GPR55: variants seen among roughly 807,000 people sequenced by gnomAD.
GPR55 encodes G-protein coupled receptor 55.
A neutral mutation model predicts 7.9 loss-of-function variants in GPR55; 6 were observed. The observed-to-expected ratio is 0.76, with a 90% CI of 0.41 to 1.49. GPR55 has a LOEUF of 1.49. Among genes scored for constraint, GPR55 ranks in the 40% most tolerant of loss-of-function variants. The pLI is 0.01. For synonymous variants in GPR55, 183 were observed against 166.8 expected, an observed-to-expected ratio of 1.10 and a Z score of -0.75; for missense variants, 376 against 406.0, an observed-to-expected ratio of 0.93 and a Z score of 0.63.
intron 1 of GPR55, among the ~76,000 whole-genome samples, chr2:230,931,754 A>G (rs1329597509): frequency 6.6e-6 from 1 of 152,014 alleles, no homozygotes; most frequent in East Asian, 1.9e-4. Flanking sequence ...CCATGAGAGC[A>G]TGCGGGGCCC....
chr2:230,913,127 G>A (rs1004631815), intron 1 of GPR55, among the ~76,000 whole-genome samples: 5 of 152,122 alleles, frequency 3.3e-5, no homozygotes, highest in African/African-American at 4.8e-5. Context: ...CATTGTGTAG[G>A]TATACCAAAA....
intron 1 of GPR55, among the ~76,000 whole-genome samples, chr2:230,916,583 G>A (rs1209787394): frequency 6.6e-6 from 1 of 152,072 alleles, no homozygotes; most frequent in Non-Finnish European, 1.5e-5. Context: ...TTAATATTGC[G>A]GATAAATTAA....
Position 230,954,129 on chromosome 2 carries a change from G to T in GPR55, c.-135+6646C>A, listed in dbSNP as rs114334642. Among the ~76,000 whole-genome samples, 26 of 152,368 alleles carry T rather than the reference G, an allele frequency of 1.7e-4. No individual in the cohort carries two copies. The South Asian group carries it at 5.2e-3, about 30-fold the overall frequency. ...TCTGAGCAAGTTCCGAGATGCAAAG[G>T]TTTCACAGCCCTGGCTATGCAGCCC... On this transcript the variant is annotated intron_variant, in intron 1 of 1. Transcript: ENST00000392039.
At chr2:230,959,554 G>A (rs528503055) in intron 1 of GPR55, among the ~76,000 whole-genome samples, 5 of 152,296 alleles carry the variant, frequency 3.3e-5, no homozygotes, top group East Asian at 3.9e-4. Context: ...AAATTGAAGC[G>A]CAGAGAAGCA....
At chr2:230,951,956 G>A (rs929869376) in intron 1 of GPR55, among the ~76,000 whole-genome samples, 7 of 151,452 alleles carry the variant, frequency 4.6e-5, no homozygotes, top group Non-Finnish European at 5.9e-5. Context: ...TTGCAGAAAC[G>A]GGGGTCTTGC....
intron 1 of GPR55, among the ~76,000 whole-genome samples, chr2:230,943,895 C>T (rs531869990): frequency 6.6e-6 from 1 of 152,380 alleles, no homozygotes; most frequent in South Asian, 2.1e-4. Context: ...CGGCACCACA[C>T]TTCATATAAA....
rs569201322 is a variant in GPR55, at chr2:230,948,815, C to T, written c.-135+11960G>A. Among the ~76,000 whole-genome samples the T allele has an allele frequency of 3.1e-3, 467 of 152,336 alleles. 1 individual carries two copies. Among genetic ancestry groups the T allele is most frequent in the African/African-American group, 0.01 (431 of 41,568 alleles). On this transcript the variant is annotated intron_variant, in intron 1 of 1. Coordinates refer to the GPR55 transcript ENST00000392039. ...CCTGAGGGTTGGGCGAGGTGGCTCA[C>T]GCCTGTAATCCCAGCACTTTGGGAG...
intron 1 of GPR55, among the ~76,000 whole-genome samples, chr2:230,938,770 T>C (rs1691173727): frequency 6.6e-6 from 1 of 152,142 alleles, no homozygotes; most frequent in Admixed American, 6.5e-5. Flanking sequence ...CTCCGTGGCA[T>C]CTCGGGACCT....
intron 1 of GPR55, among the ~76,000 whole-genome samples, chr2:230,918,535 A>T (rs1690764642): frequency 6.6e-6 from 1 of 152,212 alleles, no homozygotes; most frequent in African/African-American, 2.4e-5. Context: ...GTGCCCTATA[A>T]AGTATTTCAG....
At chr2:230,920,317 T>G (rs1690804554) in intron 1 of GPR55, among the ~76,000 whole-genome samples, 2 of 152,086 alleles carry the variant, frequency 1.3e-5, no homozygotes, top group South Asian at 4.1e-4. Context: ...ATGCATTGAA[T>G]TCACCAAAGC....
chr2:230,922,375 C>T (rs1690857736), intron 1 of GPR55, among the ~76,000 whole-genome samples: 2 of 151,832 alleles, frequency 1.3e-5, no homozygotes, highest in Admixed American at 1.3e-4. Flanking sequence ...CCTCAATGTG[C>T]TGATTTGTTT....
intron 1 of GPR55, among the ~76,000 whole-genome samples, chr2:230,947,586 C>T (rs891404877): frequency 6.6e-6 from 1 of 151,420 alleles, no homozygotes; most frequent in African/African-American, 2.4e-5. Context: ...TTACTGCAGC[C>T]TCGACATCCC....
chr2:230,949,991 G>A lies in GPR55; in HGVS notation c.-135+10784C>T, dbSNP rs147098175. On this transcript the variant is annotated intron_variant, in intron 1 of 1. Transcript: ENST00000392039. ...TGGGATTACAGGCAACCACCACCACGCCTGGCTAATTTTTCTGTATTTTTA... is the reference window on the plus strand; with the variant it reads ...TGGGATTACAGGCAACCACCACCACACCTGGCTAATTTTTCTGTATTTTTA... Among the ~76,000 whole-genome samples the A allele has an allele frequency of 6.8e-3, 1,033 of 151,764 alleles. 16 individuals carry two copies. Among genetic ancestry groups the A allele is most frequent in the African/African-American group, 0.024 (982 of 41,064 alleles).
chr2:230,912,507 G>A (rs550666555), intron 1 of GPR55, among the ~76,000 whole-genome samples: 1 of 152,262 alleles, frequency 6.6e-6, no homozygotes, highest in South Asian at 2.1e-4. Context: ...TTGGCTCACT[G>A]CAACCTCTGC....
intron 1 of GPR55, among the ~76,000 whole-genome samples, chr2:230,940,869 C>A (rs993395991): frequency 6.6e-6 from 1 of 152,112 alleles, no homozygotes; most frequent in Non-Finnish European, 1.5e-5. Context: ...GTAATCCCAA[C>A]AATTTGGGAG....
chr2:230,915,414 C>G (rs571024113), intron 1 of GPR55, among the ~76,000 whole-genome samples: 6 of 152,234 alleles, frequency 3.9e-5, no homozygotes, highest in Non-Finnish European at 8.8e-5. Context: ...CCTTCGCCTC[C>G]TAGGGGACTG....
chr2:230,919,157 T>A (rs554128948), intron 1 of GPR55, among the ~76,000 whole-genome samples: 1 of 152,066 alleles, frequency 6.6e-6, no homozygotes, highest in Non-Finnish European at 1.5e-5. Flanking sequence ...TCCAAATTCA[T>A]CAAGGAATTA....
chr2:230,911,271 C>T (rs1385002676), intron 1 of GPR55, among the ~76,000 whole-genome samples, 175 bp from the exon 2 acceptor site: 1 of 152,194 alleles, frequency 6.6e-6, no homozygotes, highest in Non-Finnish European at 1.5e-5. Flanking sequence ...TAAATCAGAA[C>T]TCCTTTTGTT....
intron 1 of GPR55, among the ~76,000 whole-genome samples, chr2:230,921,631 A>C (rs1352761258): frequency 6.6e-6 from 1 of 152,254 alleles, no homozygotes; most frequent in African/African-American, 2.4e-5. Flanking sequence ...ACACAAACGC[A>C]GTCACCACTT....
Sources: gnomAD v4.1 joint callset for allele counts (sites outside exome capture counted in the v4.1 genomes callset) on GRCh38, gnomAD v4.1.1 for gene constraint, MANE v1.5 for transcripts, NCBI Gene and HGNC (gene_info 2026-07-23, HGNC 2026-07-21) for gene names.